The following CTNNA3 variants were observed in gnomAD, a reference collection of about 807,000 sequenced individuals.
CTNNA3 encodes the protein catenin alpha 3, also known as catenin alpha-3.
Under a neutral mutation model 95.7 loss-of-function variants are expected in CTNNA3, and 76 were observed. That is an observed-to-expected ratio of 0.79 (90% CI 0.66 to 0.96). The LOEUF (loss-of-function observed/expected upper bound fraction) is 0.96. Among genes scored for constraint, CTNNA3 ranks in the 40% least tolerant of loss-of-function variants. CTNNA3 has a pLI of 0.00. For synonymous variants in CTNNA3, 431 were observed against 374.4 expected (o/e 1.15, Z -1.74); for missense variants, 1,191 against 1,089.8 (o/e 1.09, Z -1.31).
At chr10:66,174,311 A>G (rs1044897673) in intron 13 of CTNNA3, among the ~76,000 whole-genome samples, 3 of 152,064 alleles carry the variant, frequency 2.0e-5, no homozygotes, top group African/African-American at 7.2e-5. Flanking sequence ...AAATAACTCT[A>G]CCTAGCAATA....
intron 1 of CTNNA3, among the ~76,000 whole-genome samples, chr10:67,703,839 C>T (rs1337040712): frequency 5.9e-5 from 9 of 152,096 alleles, no homozygotes; most frequent in East Asian, 1.9e-4. Flanking sequence ...TCAAATTGTC[C>T]CTGTTTGCAG....
intron 13 of CTNNA3, among the ~76,000 whole-genome samples, chr10:66,121,457 A>G (rs2082568409): frequency 6.6e-6 from 1 of 151,464 alleles, no homozygotes; most frequent in Admixed American, 6.6e-5. Context: ...TTTTTTTAAT[A>G]CAACATACAT....
chr10:66,004,399 C>G (rs1422854848), intron 15 of CTNNA3, among the ~76,000 whole-genome samples: 1 of 151,808 alleles, frequency 6.6e-6, no homozygotes, highest in African/African-American at 2.4e-5. Context: ...TCCTTTTTTT[C>G]CCATCTACTT....
At chr10:67,740,980 T>TA (rs1192574763) in intron 1 of CTNNA3, among the ~76,000 whole-genome samples, 6 of 151,266 alleles carry the variant, frequency 4.0e-5, no homozygotes, top group Non-Finnish European at 7.4e-5. Flanking sequence ...TATGCAGCCA[T>TA]AAAAAATGAT....
intron 5 of CTNNA3, among the ~76,000 whole-genome samples, chr10:67,483,191 CT>C (rs1462887676): frequency 3.3e-5 from 5 of 151,758 alleles, no homozygotes; most frequent in African/African-American, 1.2e-4. Flanking sequence ...AGTTCAACCA[CT>C]GTGGAAGTCA....
intron 13 of CTNNA3, among the ~76,000 whole-genome samples, chr10:66,173,534 T>A (rs779383927): frequency 1.3e-5 from 2 of 151,866 alleles, no homozygotes; most frequent in African/African-American, 4.8e-5. Context: ...TAAAAAAAAA[T>A]TAGCCAGGCA....
intron 7 of CTNNA3, among the ~76,000 whole-genome samples, chr10:67,030,307 C>A (rs903035782): frequency 1.2e-4 from 18 of 152,122 alleles, no homozygotes; most frequent in African/African-American, 4.1e-4. Context: ...AGTTCTAAAG[C>A]AATCTGCATA....
intron 7 of CTNNA3, among the ~76,000 whole-genome samples, chr10:66,797,900 C>A (rs1374341672): frequency 6.6e-6 from 1 of 151,838 alleles, no homozygotes; most frequent in East Asian, 1.9e-4. Flanking sequence ...ATTTAACATT[C>A]CTTCCAATTT....
chr10:66,216,233 C>G (rs947322607), intron 13 of CTNNA3, among the ~76,000 whole-genome samples: 2 of 152,196 alleles, frequency 1.3e-5, no homozygotes, highest in South Asian at 4.1e-4. Context: ...AACTTCAATC[C>G]GATCTTTGTA....
intron 13 of CTNNA3, among the ~76,000 whole-genome samples, chr10:66,169,028 C>T (rs1382130924): frequency 1.3e-5 from 2 of 152,132 alleles, no homozygotes; most frequent in Admixed American, 1.3e-4. Context: ...TCCAGGCATT[C>T]CTTCTCATGT....
intron 7 of CTNNA3, among the ~76,000 whole-genome samples, chr10:67,017,190 G>A (rs1852711653): frequency 6.6e-6 from 1 of 152,152 alleles, no homozygotes; most frequent in Non-Finnish European, 1.5e-5. Context: ...TTTCCAAAGT[G>A]TTTTCAGGTC....
intron 13 of CTNNA3, chr10:66,118,403 A>C (rs2082430306): frequency 6.6e-6 from 1 of 152,244 alleles, no homozygotes; most frequent in Non-Finnish European, 1.5e-5. Flanking sequence ...ATCTGATTAC[A>C]ACCCTGAAGG....
chr10:67,142,631 T>C (rs1860627516), intron 7 of CTNNA3, among the ~76,000 whole-genome samples: 1 of 152,204 alleles, frequency 6.6e-6, no homozygotes, highest in Non-Finnish European at 1.5e-5. Flanking sequence ...GTACGTACCT[T>C]ATTTTAAAAA....
intron 13 of CTNNA3, among the ~76,000 whole-genome samples, chr10:66,143,338 A>T (rs1161702306): frequency 2.0e-5 from 3 of 152,072 alleles, no homozygotes; most frequent in Non-Finnish European, 4.4e-5. Context: ...TTTTTAAAAA[A>T]TTTTCTTCAG....
chr10:66,516,150 G>C (rs757396252), intron 11 of CTNNA3, among the ~76,000 whole-genome samples: 2 of 151,510 alleles, frequency 1.3e-5, no homozygotes, highest in Non-Finnish European at 2.9e-5. Context: ...AAGATCTAGA[G>C]GGCCAGCTAG....
chr10:67,591,744 GAGA>G (rs1457471578), intron 3 of CTNNA3, among the ~76,000 whole-genome samples: 1 of 152,034 alleles, frequency 6.6e-6, no homozygotes, highest in African/African-American at 2.4e-5. Context: ...AGACATGTAA[GAGA>G]AGAAGAAAAG....
intron 7 of CTNNA3, among the ~76,000 whole-genome samples, chr10:66,978,972 T>C (rs1374990334): frequency 8.5e-5 from 12 of 141,840 alleles, no homozygotes; most frequent in African/African-American, 3.1e-4. Flanking sequence ...TTTTTTTTTT[T>C]TTTTTTTTTT....
At chr10:67,478,090 G>A (rs1848086147) in intron 5 of CTNNA3, among the ~76,000 whole-genome samples, 1 of 152,148 alleles carries the variant, frequency 6.6e-6, no homozygotes, top group Non-Finnish European at 1.5e-5. Context: ...GAATTTCAGA[G>A]CTTGAAGATA....
rs930510906 is a variant in CTNNA3, at chr10:67,214,238, T to A, written c.843+5369A>T. 5.9e-5 allele frequency among the ~76,000 whole-genome samples: 9 copies of A among 151,796 alleles called. 1 individual carries two copies. The highest frequency in any genetic ancestry group is 3.9e-4 in the Admixed American group (6 of 15,238). On this transcript the variant is annotated intron_variant, in intron 6 of 17. Transcript: ENST00000433211. ...TTTTCTTCTTTTGGACAAACTGAGT[T>A]TCTTATTTTCTCATTGCATTTCTCC...
Sources: gnomAD v4.1 joint callset for allele counts (sites outside exome capture counted in the v4.1 genomes callset) on GRCh38, gnomAD v4.1.1 for gene constraint, MANE v1.5 for transcripts, NCBI Gene and HGNC (gene_info 2026-07-23, HGNC 2026-07-21) for gene names.